The following TRPM3 variants were observed in gnomAD, a reference collection of about 807,000 sequenced individuals.
TRPM3 encodes the protein long transient receptor potential channel 3.
Under a neutral mutation model 181.2 loss-of-function variants are expected in TRPM3, and 77 were observed. The ratio of observed to expected loss-of-function variants is 0.42; its 90% CI spans 0.35 to 0.51. The LOEUF (loss-of-function observed/expected upper bound fraction) is 0.51. Ranked by LOEUF, TRPM3 falls within the 20% of genes least tolerant of loss-of-function variation. The pLI is 0.01. For synonymous variants in TRPM3, 745 were observed against 796.4 expected (o/e 0.94, Z 1.09); for missense variants, 1,759 against 2,196.7 (o/e 0.80, Z 3.98).
rs117408075 is a variant in TRPM3 at position 71,130,223 on chromosome 9, A to G, written c.184-265712T>C. Among the ~76,000 whole-genome samples the G allele has an allele frequency of 2.7e-3, 406 of 152,340 alleles. 1 individual carries two copies. The highest frequency in any genetic ancestry group is 0.021 in the East Asian group (109 of 5,172). On this transcript the variant is annotated intron_variant, in intron 1 of 24. Transcript: ENST00000357533. ...CAAAGATAAACTCTTGATATATTAT[A>G]TAAGGTTCAAAAACGTATACATAAA...
chr9:70,612,825 T>G (rs1480468198), intron 18 of TRPM3, among the ~76,000 whole-genome samples: 1 of 152,230 alleles, frequency 6.6e-6, no homozygotes, highest in South Asian at 2.1e-4. Flanking sequence ...TTATCATGCC[T>G]CTGTTCTGCT....
rs1424921352 is a variant in TRPM3 at position 70,535,980 on chromosome 9, G to T, written c.5133C>A (p.Phe1711Leu). 6.2e-7 allele frequency: 1 copy of T among 1,605,384 alleles called. No homozygotes were observed. The highest frequency in any genetic ancestry group is 1.3e-5 in the African/African-American group (1 of 74,578). The change falls in exon 26 of 26, where the codon TTC (phenylalanine) becomes TTA (leucine). Residue 1711 changes from phenylalanine to leucine, a missense_variant. Transcript: ENST00000677713. Reference sequence around the variant, plus strand: ...AGTTGTGCTTGCTTTCAAAGCTTTGGAAAGCCGATGTTCTGGACAGTCTCC... The same window carrying T: ...AGTTGTGCTTGCTTTCAAAGCTTTGTAAAGCCGATGTTCTGGACAGTCTCC... ...SMRRLSRTSA[F>L]QSFESKHN is the part of the protein sequence containing the mutation.
At chr9:71,041,530 A>G (rs1244251200) in intron 1 of TRPM3, among the ~76,000 whole-genome samples, 1 of 152,140 alleles carries the variant, frequency 6.6e-6, no homozygotes, top group African/African-American at 2.4e-5. Flanking sequence ...TTTTCTGACT[A>G]ACTCCATTTG....
intron 19 of TRPM3, among the ~76,000 whole-genome samples, chr9:70,606,435 A>C (rs2061128092): frequency 6.6e-6 from 1 of 152,062 alleles, no homozygotes; most frequent in African/African-American, 2.4e-5. Context: ...GTTATTCTAT[A>C]ATGAACTTTT....
chr9:70,749,901 T>G (rs1273825742), intron 8 of TRPM3, among the ~76,000 whole-genome samples: 1 of 152,192 alleles, frequency 6.6e-6, no homozygotes, highest in Non-Finnish European at 1.5e-5. Context: ...CAGATGTAGA[T>G]TCAATGGCTA....
chr9:70,920,431 T>C (rs1269855070), intron 1 of TRPM3, among the ~76,000 whole-genome samples: 2 of 152,296 alleles, frequency 1.3e-5, no homozygotes, highest in East Asian at 3.9e-4. Flanking sequence ...GAAAAGAAAC[T>C]GTGGAAAATG....
At chr9:70,908,613 C>T (rs2096498509) in intron 1 of TRPM3, among the ~76,000 whole-genome samples, 1 of 152,118 alleles carries the variant, frequency 6.6e-6, no homozygotes, top group African/African-American at 2.4e-5. Context: ...GTCAGGCCTC[C>T]CCAAATTCAT....
rs560905007 is a variant in TRPM3 at position 70,742,338 on chromosome 9, T to C, written c.1272+19263A>G. Among the ~76,000 whole-genome samples the C allele has an allele frequency of 6.9e-4, 105 of 152,294 alleles. 1 individual carries two copies. Among genetic ancestry groups the C allele is most frequent in the African/African-American group, 2.5e-3 (102 of 41,580 alleles). On this transcript the variant is annotated intron_variant, in intron 8 of 25. Coordinates refer to ENST00000677713, the MANE Select transcript of TRPM3 (RefSeq NM_001366145.2). Reference sequence around the variant, plus strand: ...AAATAGATATATAACTACATATTTATGGGATACATAATGATGTTTTGATAT... The same window carrying C: ...AAATAGATATATAACTACATATTTACGGGATACATAATGATGTTTTGATAT...
intron 1 of TRPM3, among the ~76,000 whole-genome samples, chr9:70,895,127 A>G (rs2096264284): frequency 6.6e-6 from 1 of 152,200 alleles, no homozygotes; most frequent in Non-Finnish European, 1.5e-5. Context: ...TGTTAGTGCT[A>G]TTATGACGAT....
chr9:70,552,206 A>G (rs1264227741), intron 24 of TRPM3, among the ~76,000 whole-genome samples: 3 of 152,212 alleles, frequency 2.0e-5, no homozygotes, highest in Admixed American at 6.5e-5. Context: ...GGGAGTCACC[A>G]GTATTTAATG....
intron 1 of TRPM3, among the ~76,000 whole-genome samples, chr9:71,247,883 C>T (rs1281070095): frequency 1.3e-5 from 2 of 152,102 alleles, no homozygotes; most frequent in African/African-American, 4.8e-5. Flanking sequence ...TATTTTATAA[C>T]AAATGATCTA....
At chr9:70,992,589 A>G (rs778426445) in intron 1 of TRPM3, among the ~76,000 whole-genome samples, 11 of 152,206 alleles carry the variant, frequency 7.2e-5, no homozygotes, top group Non-Finnish European at 1.5e-4. Flanking sequence ...TGCACTGTAC[A>G]ATACAGTAGC....
In TRPM3 at chr9:71,426,684, G is replaced by A. The variant is rs556642182; in HGVS notation, c.183+19969C>T. The stretch of plus-strand genomic sequence containing the variant: ...TCCACTGGACCCCATAAATTATACA[G>A]ATGCTTCACAGGTTTTGCTGTGAAA... On this transcript the variant is annotated intron_variant, in intron 1 of 24. Transcript: ENST00000357533. 3.4e-4 allele frequency among the ~76,000 whole-genome samples: 52 copies of A among 152,212 alleles called. No homozygotes were observed. The Middle Eastern group carries it at 0.01, about 30-fold the overall frequency.
intron 1 of TRPM3, among the ~76,000 whole-genome samples, chr9:71,096,588 A>ACACACACACTCT (rs1554824618): frequency 1.0e-5 from 1 of 96,946 alleles, no homozygotes; most frequent in African/African-American, 4.6e-5. Flanking sequence ...ACACACACAC[A>ACACACACACTCT]CACTCTCTCT....
chr9:70,558,577 G>T (rs1319805199), intron 22 of TRPM3, among the ~76,000 whole-genome samples: 1 of 152,164 alleles, frequency 6.6e-6, no homozygotes, highest in Non-Finnish European at 1.5e-5. Flanking sequence ...TACTGATAAA[G>T]CTCGAATTTT....
At chr9:71,265,032 G>T (rs1490433667) in intron 1 of TRPM3, among the ~76,000 whole-genome samples, 1 of 152,102 alleles carries the variant, frequency 6.6e-6, no homozygotes, top group Non-Finnish European at 1.5e-5. Context: ...AGCAAAGAAA[G>T]ATATCTTTAT....
chr9:70,583,040 G>T (rs1227454955), intron 22 of TRPM3, among the ~76,000 whole-genome samples: 1 of 152,128 alleles, frequency 6.6e-6, no homozygotes, highest in African/African-American at 2.4e-5. Flanking sequence ...TATATTTCAA[G>T]CAGGTACTGG....
chr9:70,915,334 G>A (rs1429998906), intron 1 of TRPM3, among the ~76,000 whole-genome samples: 1 of 151,658 alleles, frequency 6.6e-6, no homozygotes, highest in Non-Finnish European at 1.5e-5. Context: ...GTCTTACTCT[G>A]TCGCCCAGGC....
intron 1 of TRPM3, among the ~76,000 whole-genome samples, chr9:71,174,117 G>A (rs1039037104): frequency 6.6e-6 from 1 of 152,136 alleles, no homozygotes; most frequent in South Asian, 2.1e-4. Context: ...TTAAAATAAA[G>A]TTAGAAATAA....
Sources: allele counts gnomAD v4.1 joint callset (sites outside exome capture counted in the v4.1 genomes callset), GRCh38; gene constraint gnomAD v4.1.1; transcripts MANE v1.5; gene names NCBI Gene and HGNC (gene_info 2026-07-23, HGNC 2026-07-21).